Variants in DCC observed in about 807,000 individuals in gnomAD.
The protein encoded by DCC is netrin receptor DCC.
DCC carries 58 observed loss-of-function variants against 172.5 expected under a neutral mutation model. The observed-to-expected ratio is 0.34, with a 90% confidence interval of 0.27 to 0.42. The LOEUF (loss-of-function observed/expected upper bound fraction) is 0.42. Among genes scored for constraint, DCC ranks in the 10% least tolerant of loss-of-function variants. The probability of loss-of-function intolerance (pLI) is 1.00; values close to 1 mark genes in which losing one functional copy is unlikely to be tolerated. For synonymous variants in DCC, 709 were observed against 644.5 expected, an observed-to-expected ratio of 1.10 and a Z score of -1.52; for missense variants, 1,740 against 1,791.0, an observed-to-expected ratio of 0.97 and a Z score of 0.51.
chr18:53,145,961 C>T (rs542586619), intron 7 of DCC, among the ~76,000 whole-genome samples: 7 of 151,912 alleles, frequency 4.6e-5, no homozygotes, highest in African/African-American at 1.7e-4. Context: ...GGGCCAGGCA[C>T]AGTGGCTCAC....
chr18:53,444,732 G>A (rs536893409), intron 22 of DCC, among the ~76,000 whole-genome samples: 4 of 152,180 alleles, frequency 2.6e-5, no homozygotes, highest in Non-Finnish European at 4.4e-5. Context: ...CTACAGTATA[G>A]TGTAAACTTT....
At chr18:53,283,776 T>C (rs1426134780) in intron 12 of DCC, among the ~76,000 whole-genome samples, 1 of 152,234 alleles carries the variant, frequency 6.6e-6, no homozygotes, top group African/African-American at 2.4e-5. Context: ...ACATGTGTCA[T>C]GATTATCACT....
At chr18:53,301,459 C>T (rs941734975) in intron 12 of DCC, among the ~76,000 whole-genome samples, 1 of 152,054 alleles carries the variant, frequency 6.6e-6, no homozygotes, top group African/African-American at 2.4e-5. Context: ...AACAAAAAAC[C>T]TCTGTGTGCT....
At chr18:53,379,571 G>A (rs1469948022) in intron 15 of DCC, among the ~76,000 whole-genome samples, 1 of 152,088 alleles carries the variant, frequency 6.6e-6, no homozygotes, top group African/African-American at 2.4e-5. Flanking sequence ...TTAGAATAAT[G>A]GGTCTCTCAC....
At chr18:53,096,887 T>C (rs1213096277) in intron 7 of DCC, among the ~76,000 whole-genome samples, 1 of 152,194 alleles carries the variant, frequency 6.6e-6, no homozygotes, top group Non-Finnish European at 1.5e-5. Flanking sequence ...AAGTAAAATG[T>C]ATTAATATTT....
chr18:53,416,255 A>G (rs771266078), intron 21 of DCC, 99 bp downstream of exon 21: 5 of 850,822 alleles, frequency 5.9e-6, no homozygotes, highest in Admixed American at 3.7e-5. Context: ...CCTGGACCAT[A>G]CACCTGATGA....
intron 1 of DCC, among the ~76,000 whole-genome samples, chr18:52,687,209 G>C (rs2035851954): frequency 6.6e-6 from 1 of 151,402 alleles, no homozygotes; most frequent in Non-Finnish European, 1.5e-5. Context: ...GATACATCTT[G>C]AATCACTCTT....
intron 11 of DCC, among the ~76,000 whole-genome samples, chr18:53,211,318 A>T (rs2055749024): frequency 6.6e-6 from 1 of 152,234 alleles, no homozygotes; most frequent in Admixed American, 6.5e-5. Context: ...ACAGGTAGTA[A>T]GCAGCAGAGC....
intron 12 of DCC, among the ~76,000 whole-genome samples, chr18:53,268,245 C>T (rs1253112549): frequency 3.9e-5 from 6 of 152,022 alleles, no homozygotes; most frequent in Non-Finnish European, 7.4e-5. Context: ...ATGATTTTTA[C>T]AGATTTGTCA....
intron 1 of DCC, among the ~76,000 whole-genome samples, chr18:52,678,144 C>A (rs899962845): frequency 1.3e-5 from 2 of 152,106 alleles, no homozygotes; most frequent in African/African-American, 4.8e-5. Context: ...AGACTGACAT[C>A]AAAAACTCTG....
intron 1 of DCC, among the ~76,000 whole-genome samples, chr18:52,511,727 A>G (rs2031448573): frequency 6.6e-6 from 1 of 152,240 alleles, no homozygotes. Context: ...ATCTCACAAC[A>G]TTTTAATCCC....
chr18:53,342,689 C>T lies in DCC; in HGVS notation c.2359+2782C>T, dbSNP rs897801355. Reference sequence around the variant, plus strand: ...TTTATGTTAAACTTATTCCTAAATACATATGTATATGTAGGAATATACATA... The same window carrying T: ...TTTATGTTAAACTTATTCCTAAATATATATGTATATGTAGGAATATACATA... On this transcript the variant is annotated intron_variant, in intron 15 of 28. Transcript: ENST00000442544. Among the ~76,000 whole-genome samples the T allele has an allele frequency of 2.0e-5, 3 of 147,444 alleles. No homozygotes were observed. The Admixed American group carries it at 2.0e-4, about 10-fold the overall frequency.
intron 5 of DCC, among the ~76,000 whole-genome samples, chr18:53,007,756 G>A (rs532988012): frequency 6.6e-6 from 1 of 152,028 alleles, no homozygotes; most frequent in Non-Finnish European, 1.5e-5. Context: ...GAGGCTTAAG[G>A]ACCAGGAAAT....
chr18:53,071,359 G>A (rs146324218), intron 7 of DCC, among the ~76,000 whole-genome samples: 120 of 152,252 alleles, frequency 7.9e-4, no homozygotes, highest in African/African-American at 2.8e-3. Context: ...AATGTGAAAT[G>A]TATACACGGT....
intron 12 of DCC, among the ~76,000 whole-genome samples, chr18:53,292,426 C>T (rs1028481027): frequency 6.6e-6 from 1 of 152,198 alleles, no homozygotes; most frequent in Non-Finnish European, 1.5e-5. Context: ...GTGGCTTACA[C>T]CTGTAATCCC....
intron 1 of DCC, among the ~76,000 whole-genome samples, chr18:52,489,331 A>T (rs1160624886): frequency 6.6e-6 from 1 of 152,100 alleles, no homozygotes; most frequent in Non-Finnish European, 1.5e-5. Flanking sequence ...TCATATTTTA[A>T]CCTGACCTCA....
At chr18:52,955,895 A>G (rs1345022240) in intron 5 of DCC, among the ~76,000 whole-genome samples, 1 of 151,888 alleles carries the variant, frequency 6.6e-6, no homozygotes, top group Non-Finnish European at 1.5e-5. Context: ...TCTGTTGCCC[A>G]TTTTAAAAAT....
chr18:53,171,758 C>G (rs1469113293), intron 8 of DCC, among the ~76,000 whole-genome samples: 3 of 151,338 alleles, frequency 2.0e-5, no homozygotes, highest in South Asian at 2.1e-4. Flanking sequence ...ATACAAACAG[C>G]AAACATATGA....
At chr18:53,368,955 G>A (rs2058032669) in intron 15 of DCC, among the ~76,000 whole-genome samples, 1 of 151,710 alleles carries the variant, frequency 6.6e-6, no homozygotes, top group East Asian at 1.9e-4. Flanking sequence ...TTTTAGATGA[G>A]TTTTCTGTTC....
Sources: gnomAD v4.1 joint callset for allele counts (sites outside exome capture counted in the v4.1 genomes callset) on GRCh38, gnomAD v4.1.1 for gene constraint, MANE v1.5 for transcripts, NCBI Gene and HGNC (gene_info 2026-07-23, HGNC 2026-07-21) for gene names.